Variants in NEGR1 observed in about 807,000 individuals in gnomAD.
NEGR1 encodes neuronal growth regulator 1.
In NEGR1, 10 loss-of-function variants were observed where a neutral mutation model predicts 40.9. That is an observed-to-expected ratio of 0.24 (90% CI 0.15 to 0.42). The LOEUF is 0.42. Among genes scored for constraint, NEGR1 ranks in the 10% least tolerant of loss-of-function variants. The probability of loss-of-function intolerance (pLI) is 1.00; values close to 1 mark genes in which losing one functional copy is unlikely to be tolerated. For missense variants in NEGR1, 352 were observed against 438.9 expected (o/e 0.80, Z 1.77); for synonymous variants, 185 against 166.8 (o/e 1.11, Z -0.84).
intron 6 of NEGR1, among the ~76,000 whole-genome samples, chr1:71,431,042 C>T (rs1253375711): frequency 6.6e-6 from 1 of 150,690 alleles, no homozygotes; most frequent in Non-Finnish European, 1.5e-5. Flanking sequence ...CCACCGCGCC[C>T]GGCCAAAAAA....
At chr1:71,462,935 A>C (rs2101345954) in intron 6 of NEGR1, among the ~76,000 whole-genome samples, 1 of 152,300 alleles carries the variant, frequency 6.6e-6, no homozygotes, top group African/African-American at 2.4e-5. Flanking sequence ...AGGAATAGTA[A>C]GAAAATCGGA....
At chr1:72,013,118 T>A (rs900533680) in intron 1 of NEGR1, among the ~76,000 whole-genome samples, 1 of 151,856 alleles carries the variant, frequency 6.6e-6, no homozygotes, top group Non-Finnish European at 1.5e-5. Flanking sequence ...CAATTCTTTT[T>A]AGGGGTAATA....
intron 2 of NEGR1, among the ~76,000 whole-genome samples, chr1:71,807,425 TG>T (rs1471614498): frequency 6.6e-6 from 1 of 151,986 alleles, no homozygotes; most frequent in East Asian, 1.9e-4. Context: ...AAACACCCTG[TG>T]AAAAGACTGA....
At chr1:71,439,810 C>A (rs1646534551) in intron 6 of NEGR1, 1 of 151,938 alleles carries the variant, frequency 6.6e-6, no homozygotes, top group African/African-American at 2.4e-5. Context: ...ACTGGTCTTT[C>A]TTCTCTCTTT....
chr1:71,972,974 A>C (rs1194934700), intron 1 of NEGR1, among the ~76,000 whole-genome samples: 1 of 152,222 alleles, frequency 6.6e-6, no homozygotes, highest in Non-Finnish European at 1.5e-5. Flanking sequence ...ATTCCCTCGC[A>C]GAGGTAAGTG....
chr1:71,487,841 A>G (rs566891560), intron 6 of NEGR1: 3 of 151,810 alleles, frequency 2.0e-5, no homozygotes, highest in African/African-American at 7.2e-5. Context: ...TTTTCTTTAC[A>G]ATATAATATA....
intron 1 of NEGR1, among the ~76,000 whole-genome samples, chr1:71,994,960 T>G (rs375937570): frequency 8.3e-5 from 9 of 108,654 alleles, no homozygotes; most frequent in African/African-American, 2.9e-4. Context: ...CAATGCAATA[T>G]AAGCATTAGG....
intron 1 of NEGR1, among the ~76,000 whole-genome samples, chr1:72,085,213 C>CAT (rs545685852): frequency 1.1e-3 from 169 of 152,028 alleles, no homozygotes; most frequent in African/African-American, 3.6e-3. Flanking sequence ...GGTATATGCG[C>CAT]ATATATATAT....
chr1:71,566,143 A>T lies in NEGR1; in HGVS notation c.940+26674T>A, dbSNP rs150388237. Among the ~76,000 whole-genome samples, 327 of 152,240 alleles carry T rather than the reference A, an allele frequency of 2.1e-3. 3 individuals are homozygous for T. Among genetic ancestry groups the T allele is most frequent in the African/African-American group, 7.4e-3 (309 of 41,554 alleles). ...GTTTTGGATTTCTTCTGGCTCCAGA[A>T]CTATAAGACAATGTATTTCTGTTGT... is the stretch of plus-strand genomic sequence containing the variant. On this transcript the variant is annotated intron_variant, in intron 6 of 6. Transcript: ENST00000357731.
chr1:71,830,437 C>T (rs1375914462), intron 2 of NEGR1, among the ~76,000 whole-genome samples: 2 of 151,504 alleles, frequency 1.3e-5, no homozygotes, highest in Non-Finnish European at 2.9e-5. Context: ...ATGGGAGTGG[C>T]TGTGTTGAAT....
intron 2 of NEGR1, among the ~76,000 whole-genome samples, chr1:71,901,908 A>G (rs578114417): frequency 2.8e-4 from 42 of 152,160 alleles, no homozygotes; most frequent in African/African-American, 8.7e-4. Context: ...TGACCTTGTG[A>G]TCTGCCCACC....
intron 2 of NEGR1, among the ~76,000 whole-genome samples, chr1:71,816,535 A>T (rs1658220745): frequency 6.6e-6 from 1 of 152,024 alleles, no homozygotes; most frequent in African/African-American, 2.4e-5. Context: ...TAAAACCATC[A>T]GATCTCATGA....
intron 2 of NEGR1, among the ~76,000 whole-genome samples, chr1:71,881,699 T>C (rs1420650135): frequency 1.3e-5 from 2 of 152,162 alleles, no homozygotes; most frequent in African/African-American, 2.4e-5. Flanking sequence ...AAATGTTTCC[T>C]GAATATGAGT....
At chr1:71,738,765 T>C (rs923473821) in intron 3 of NEGR1, among the ~76,000 whole-genome samples, 1 of 152,078 alleles carries the variant, frequency 6.6e-6, no homozygotes, top group Middle Eastern at 3.2e-3. Flanking sequence ...CACTGATATG[T>C]CTTATATTTT....
rs1646279090 is a variant in NEGR1, at chr1:71,406,555, C to A, written c.*891G>T. ...AAGGGAATGATTTCCCACGGTGGAT[C>A]TAACATTTAGCTACAACTAAAGAAA... On this transcript the variant is annotated 3_prime_UTR_variant, in exon 7 of 7. Coordinates refer to ENST00000357731, the MANE Select transcript of NEGR1 (RefSeq NM_173808.3). 1 of 152,144 alleles carries A rather than the reference C, an allele frequency of 6.6e-6. No homozygotes were observed. Among genetic ancestry groups the A allele is most frequent in the East Asian group, 1.9e-4 (1 of 5,176 alleles). 9.4% of individuals were successfully genotyped at this position (152,144 alleles called of 1,614,324 possible). A position where few individuals can be genotyped will look rare whatever the true frequency, so the allele number is the denominator to read the frequency against.
At chr1:71,549,567 T>G (rs11808329) in intron 6 of NEGR1, among the ~76,000 whole-genome samples, 7,025 of 151,662 alleles carry the variant, frequency 0.046, 551 homozygotes, top group African/African-American at 0.16. Flanking sequence ...CATATTTATT[T>G]TATAGATGAG....
intron 4 of NEGR1, among the ~76,000 whole-genome samples, chr1:71,693,839 A>T: frequency 6.6e-6 from 1 of 151,660 alleles, no homozygotes; most frequent in East Asian, 1.9e-4. Context: ...AGTAACCTTC[A>T]TATTAAAGGG....
At chr1:71,899,761 C>T (rs796657186) in intron 2 of NEGR1, among the ~76,000 whole-genome samples, 1 of 152,028 alleles carries the variant, frequency 6.6e-6, no homozygotes, top group Non-Finnish European at 1.5e-5. Flanking sequence ...TTTATTTCTT[C>T]TCATGGCAGG....
chr1:71,597,018 G>A (rs1169517124), intron 5 of NEGR1, among the ~76,000 whole-genome samples: 2 of 152,072 alleles, frequency 1.3e-5, no homozygotes, highest in African/African-American at 4.8e-5. Context: ...TTAGATGGTG[G>A]GGGAAGTTAA....
Sources: gnomAD v4.1 joint callset for allele counts (sites outside exome capture counted in the v4.1 genomes callset) on GRCh38, gnomAD v4.1.1 for gene constraint, MANE v1.5 for transcripts, NCBI Gene and HGNC (gene_info 2026-07-23, HGNC 2026-07-21) for gene names.